LARGE1: variants seen among roughly 807,000 people sequenced by gnomAD.
LARGE1 encodes the protein LARGE xylosyl- and glucuronyltransferase 1.
LARGE1 carries 43 observed loss-of-function variants against 87.6 expected under a neutral mutation model. The ratio of observed to expected loss-of-function variants is 0.49; its 90% CI spans 0.38 to 0.63. The LOEUF (loss-of-function observed/expected upper bound fraction) is 0.63, where lower values mean the gene tolerates loss of function less well. Among genes scored for constraint, LARGE1 ranks in the 30% least tolerant of loss-of-function variants. The pLI, the probability that LARGE1 is intolerant of heterozygous loss-of-function variation, is 0.00. For missense variants in LARGE1, 802 were observed against 1,000.2 expected (o/e 0.80, Z 2.67); for synonymous variants, 434 against 394.6 (o/e 1.10, Z -1.18).
intron 11 of LARGE1, among the ~76,000 whole-genome samples, chr22:33,208,718 C>T (rs541021579): frequency 5.9e-5 from 9 of 152,148 alleles, no homozygotes; most frequent in Non-Finnish European, 8.8e-5. Context: ...GCTATCCCTG[C>T]CCTAACCCCC....
the LARGE1 span, among the ~76,000 whole-genome samples, chr22:33,121,431 A>C: frequency 6.6e-6 from 1 of 152,158 alleles, no homozygotes; most frequent in Admixed American, 6.5e-5. Flanking sequence ...TCCCAATTCA[A>C]AGGCTTGTGA....
intron 6 of LARGE1, among the ~76,000 whole-genome samples, chr22:33,462,975 T>A (rs1158870136): frequency 6.6e-6 from 1 of 152,214 alleles, no homozygotes; most frequent in Non-Finnish European, 1.5e-5. Context: ...GACTTGAAGT[T>A]AAATATTCAT....
At chr22:33,824,162 T>G (rs142087043) in intron 1 of LARGE1, among the ~76,000 whole-genome samples, 436 of 152,310 alleles carry the variant, frequency 2.9e-3, no homozygotes, top group African/African-American at 9.5e-3. Context: ...TTCTTCATTA[T>G]ATGTATTTCC....
intron 1 of LARGE1, among the ~76,000 whole-genome samples, chr22:33,830,623 G>T (rs113099338): frequency 6.6e-6 from 1 of 152,178 alleles, no homozygotes; most frequent in Non-Finnish European, 1.5e-5. Context: ...CACACCTCAA[G>T]CAAAGCTGAT....
intron 7 of LARGE1, among the ~76,000 whole-genome samples, chr22:33,414,730 T>C (rs1321938736): frequency 2.0e-5 from 3 of 152,110 alleles, no homozygotes; most frequent in Admixed American, 1.3e-4. Flanking sequence ...AAGAGGATGG[T>C]ATTGGGGAGT....
intron 2 of LARGE1, among the ~76,000 whole-genome samples, chr22:33,760,392 C>A (rs1014168562): frequency 6.6e-6 from 1 of 152,128 alleles, no homozygotes; most frequent in Non-Finnish European, 1.5e-5. Context: ...GAGAGCAAAT[C>A]CTTTGTTGCC....
intron 5 of LARGE1, among the ~76,000 whole-genome samples, chr22:33,565,558 T>C (rs1371834494): frequency 1.7e-5 from 2 of 119,182 alleles, no homozygotes; most frequent in Non-Finnish European, 3.8e-5. Context: ...TATTCTCAGA[T>C]AAATAAGAGG....
rs961642198 is a variant in LARGE1 at position 33,206,403 on chromosome 22, CT to C, written c.1731-39572del. On this transcript the variant is annotated intron_variant, in intron 11 of 11. Transcript: ENST00000608642. ...CACCGTGACTGACCAAATTGCATGA[CT>C]TTTTTTTTCCATTTTGCCATGCAAG... Among the ~76,000 whole-genome samples the C allele has an allele frequency of 1.1e-3, 166 of 151,776 alleles. 1 individual carries two copies. The highest frequency in any genetic ancestry group is 3.7e-3 in the African/African-American group (153 of 41,388).
chr22:33,861,000 TAG>T (rs1473655631), intron 1 of LARGE1, among the ~76,000 whole-genome samples: 6 of 152,266 alleles, frequency 3.9e-5, no homozygotes, highest in South Asian at 4.1e-4. Flanking sequence ...GCACTGTCGC[TAG>T]AGAGATTTCA....
chr22:33,567,438 A>C (rs1007856215), intron 5 of LARGE1, among the ~76,000 whole-genome samples: 1 of 152,054 alleles, frequency 6.6e-6, no homozygotes, highest in Admixed American at 6.5e-5. Context: ...CTTCCAGATG[A>C]AGGTAAGGGT....
chr22:33,589,150 G>A (rs899975518), intron 5 of LARGE1, among the ~76,000 whole-genome samples: 3 of 152,170 alleles, frequency 2.0e-5, no homozygotes, highest in Non-Finnish European at 4.4e-5. Flanking sequence ...TAGGGCCCAC[G>A]GCTAGGCTGC....
At chr22:33,463,935 A>G (rs1402510258) in intron 6 of LARGE1, among the ~76,000 whole-genome samples, 1 of 152,138 alleles carries the variant, frequency 6.6e-6, no homozygotes. Flanking sequence ...TGGCCCCCCA[A>G]AGTGCTGGGA....
chr22:33,426,397 C>T (rs1160040800), intron 7 of LARGE1, among the ~76,000 whole-genome samples: 2 of 152,116 alleles, frequency 1.3e-5, no homozygotes, highest in Non-Finnish European at 2.9e-5. Flanking sequence ...ACAGAAATCA[C>T]CCAATCACAG....
At chr22:33,407,156 T>C (rs145934784) in intron 7 of LARGE1, among the ~76,000 whole-genome samples, 2 of 152,262 alleles carry the variant, frequency 1.3e-5, no homozygotes, top group African/African-American at 4.8e-5. Flanking sequence ...CACTCTATTA[T>C]TACTTTTTTA....
chr22:33,600,478 T>C (rs2079084466), intron 5 of LARGE1, among the ~76,000 whole-genome samples: 2 of 152,164 alleles, frequency 1.3e-5, no homozygotes, highest in African/African-American at 4.8e-5. Flanking sequence ...TATGTGATTC[T>C]AGGAGAACAT....
intron 10 of LARGE1, 81 bp downstream of exon 10, chr22:33,337,565 A>G: frequency 6.5e-7 from 1 of 1,534,468 alleles, no homozygotes; most frequent in Admixed American, 1.8e-5. Context: ...TGAGCCTGAC[A>G]TAGAGCCTGG....
At chr22:33,276,012 CA>C (rs1929203279) in intron 14 of LARGE1, among the ~76,000 whole-genome samples, 1 of 152,188 alleles carries the variant, frequency 6.6e-6, no homozygotes. Context: ...TCAGTGTTCT[CA>C]ACCCTAACGC....
the LARGE1 span, among the ~76,000 whole-genome samples, chr22:33,080,486 G>T: frequency 2.5e-4 from 38 of 152,224 alleles, 1 homozygote; most frequent in African/African-American, 9.1e-4. Flanking sequence ...AACAGGAAAG[G>T]GCAAATCTCA....
intron 2 of LARGE1, among the ~76,000 whole-genome samples, chr22:33,704,559 G>C (rs898230812): frequency 6.6e-6 from 1 of 152,130 alleles, no homozygotes; most frequent in South Asian, 2.1e-4. Flanking sequence ...CTGATTCCCT[G>C]AGCACTACTG....
Sources: allele counts gnomAD v4.1 joint callset (sites outside exome capture counted in the v4.1 genomes callset), GRCh38; gene constraint gnomAD v4.1.1; transcripts MANE v1.5; gene names NCBI Gene and HGNC (gene_info 2026-07-23, HGNC 2026-07-21).